The following BICC1 variants were observed in gnomAD, a reference collection of about 807,000 sequenced individuals.
BICC1 encodes BicC family RNA binding protein 1, also known as protein bicaudal C homolog 1.
BICC1 carries 43 observed loss-of-function variants against 111.0 expected under a neutral mutation model. That is an observed-to-expected ratio of 0.39 (90% CI 0.30 to 0.50). The LOEUF (loss-of-function observed/expected upper bound fraction) is 0.50. Ranked by LOEUF, BICC1 falls within the 20% of genes least tolerant of loss-of-function variation. BICC1 has a pLI of 0.88. For missense variants in BICC1, 1,091 were observed against 1,203.2 expected (o/e 0.91, Z 1.38); for synonymous variants, 467 against 434.4 (o/e 1.07, Z -0.93).
intron 2 of BICC1, among the ~76,000 whole-genome samples, chr10:58,644,704 T>C (rs984924502): frequency 1.3e-5 from 2 of 152,146 alleles, no homozygotes; most frequent in African/African-American, 4.8e-5. Context: ...TGAATTTAAT[T>C]TGGCCAACGT....
chr10:58,637,740 A>G (rs1837993961), intron 2 of BICC1, among the ~76,000 whole-genome samples: 1 of 152,240 alleles, frequency 6.6e-6, no homozygotes. Context: ...AGCTCTGTAA[A>G]ACATGATAAC....
intron 1 of BICC1, among the ~76,000 whole-genome samples, chr10:58,579,596 A>G (rs1349731199): frequency 6.6e-6 from 1 of 152,182 alleles, no homozygotes; most frequent in Non-Finnish European, 1.5e-5. Flanking sequence ...CTCTCCCTGG[A>G]TGTCAGCAAA....
At position 58,513,291 on chromosome 10, in the gene BICC1, C is replaced by G; in HGVS notation, c.148C>G (p.Arg50Gly). ...GCACAGCCCGGAGTGGAGCGAGGAG[C>G]GCTTCCGCGTGGACAGGAAGAAACT... is the stretch of plus-strand genomic sequence containing the variant. Reference protein sequence around the residue: ...TLHSPEWSEERFRVDRKKLEA... With the variant: ...TLHSPEWSEEGFRVDRKKLEA... The change falls in exon 1 of 21, where the codon CGC becomes GGC. Residue 50 changes from arginine to glycine, a missense_variant. By Grantham distance (125) the Arg-to-Gly change is moderately radical. Around this residue, in one of 3 missense-constraint regions of BICC1, gnomAD observed 843 missense variants for 900.8 expected, o/e 0.94. Coordinates refer to ENST00000373886, the MANE Select transcript of BICC1 (RefSeq NM_001080512.3). 1.9e-6 allele frequency: 3 copies of G among 1,611,452 alleles called. No homozygotes were observed. Among genetic ancestry groups the G allele is most frequent in the Non-Finnish European group, 2.5e-6 (3 of 1,178,638 alleles).
intron 3 of BICC1, among the ~76,000 whole-genome samples, chr10:58,744,270 C>T (rs771478629): frequency 2.0e-5 from 3 of 152,038 alleles, no homozygotes; most frequent in Non-Finnish European, 2.9e-5. Flanking sequence ...ATAGTTGTAG[C>T]AGAAGATTGC....
At position 58,715,573 on chromosome 10, in the gene BICC1, G is replaced by T; in HGVS notation, c.307+13430G>T. On this transcript the variant is annotated intron_variant, in intron 3 of 20. Transcript: ENST00000373886. Reference sequence around the variant, plus strand: ...AGCACCATGGGGAAGCGGGACAATCGGGTGGCCTATATGCACCCAATAGCA... The same window carrying T: ...AGCACCATGGGGAAGCGGGACAATCTGGTGGCCTATATGCACCCAATAGCA... 1.9e-6 allele frequency: 3 copies of T among 1,576,442 alleles called. No individual in the cohort carries two copies. In the South Asian group the frequency reaches 3.3e-5, roughly 17 times the overall value.
intron 1 of BICC1, among the ~76,000 whole-genome samples, chr10:58,571,387 A>G (rs1843946280): frequency 1.3e-5 from 2 of 152,178 alleles, no homozygotes. Context: ...GGTTTGTTAC[A>G]TAGGTAAACA....
rs2132077771 is a variant in BICC1, at chr10:58,602,737, C to T, written c.191-18118C>T. Among the ~76,000 whole-genome samples the T allele has an allele frequency of 1.3e-5, 2 of 152,274 alleles. 1 individual carries two copies. Among genetic ancestry groups the T allele is most frequent in the South Asian group, 4.1e-4 (2 of 4,822 alleles). ...ACTTCCCTAACTCCCCTAAATGTTT[C>T]CCTAGGCCTTCTAAATGAGAATACT... On this transcript the variant is annotated intron_variant, in intron 1 of 20. Coordinates refer to ENST00000373886, the MANE Select transcript of BICC1 (RefSeq NM_001080512.3).
At chr10:58,618,348 C>T (rs1845686914) in intron 1 of BICC1, among the ~76,000 whole-genome samples, 1 of 152,244 alleles carries the variant, frequency 6.6e-6, no homozygotes, top group Non-Finnish European at 1.5e-5. Context: ...AATTCCACTC[C>T]TTACATAACC....
intron 1 of BICC1, among the ~76,000 whole-genome samples, chr10:58,592,280 A>AT (rs1844644767): frequency 3.9e-5 from 6 of 152,106 alleles, no homozygotes; most frequent in Middle Eastern, 3.2e-3. Flanking sequence ...GTCATTGCCC[A>AT]TTTTTTCTTC....
At chr10:58,565,915 C>T (rs886318660) in intron 1 of BICC1, among the ~76,000 whole-genome samples, 2 of 151,920 alleles carry the variant, frequency 1.3e-5, no homozygotes, top group African/African-American at 4.8e-5. Context: ...TACACCTTAC[C>T]CAAGCACTGC....
chr10:58,808,014 C>T (rs572342817), intron 17 of BICC1, among the ~76,000 whole-genome samples: 2 of 151,656 alleles, frequency 1.3e-5, no homozygotes, highest in South Asian at 4.2e-4. Flanking sequence ...TTGACCTTTT[C>T]TCCACCCATT....
At chr10:58,564,764 ATGGT>A (rs1326695701) in intron 1 of BICC1, among the ~76,000 whole-genome samples, 1 of 152,204 alleles carries the variant, frequency 6.6e-6, no homozygotes, top group Non-Finnish European at 1.5e-5. Flanking sequence ...ATGGTTATAA[ATGGT>A]TCTGGCTATT....
chr10:58,665,371 G>T (rs1378439699), intron 2 of BICC1, among the ~76,000 whole-genome samples: 2 of 151,978 alleles, frequency 1.3e-5, no homozygotes, highest in African/African-American at 4.8e-5. Flanking sequence ...TATTTTAGTG[G>T]TCTTTTTCTG....
intron 1 of BICC1, among the ~76,000 whole-genome samples, chr10:58,572,843 T>G (rs1844001969): frequency 6.6e-6 from 1 of 152,178 alleles, no homozygotes; most frequent in Admixed American, 6.6e-5. Flanking sequence ...CAACATGGAA[T>G]GAAATGTGGT....
chr10:58,604,373 C>CA (rs1845140017), intron 1 of BICC1, among the ~76,000 whole-genome samples: 1 of 151,788 alleles, frequency 6.6e-6, no homozygotes, highest in South Asian at 2.1e-4. Context: ...AGGTCATGAA[C>CA]AAAAAAAATT....
intron 1 of BICC1, among the ~76,000 whole-genome samples, chr10:58,614,153 G>T (rs918975821): frequency 3.3e-5 from 5 of 152,130 alleles, no homozygotes; most frequent in African/African-American, 1.2e-4. Flanking sequence ...GTGTTTGGGG[G>T]AAGAGAAGAA....
intron 2 of BICC1, among the ~76,000 whole-genome samples, chr10:58,642,861 T>G (rs1838164658): frequency 6.6e-6 from 1 of 152,036 alleles, no homozygotes; most frequent in African/African-American, 2.4e-5. Context: ...TGTGCAACCA[T>G]GCTCGGCTAA....
At chr10:58,806,693 A>C in intron 16 of BICC1, 70 bp downstream of exon 16, 1 of 1,310,336 alleles carries the variant, frequency 7.6e-7, no homozygotes. Context: ...TTGAGTACTC[A>C]TGGTGAATCG....
At chr10:58,814,638 A>C (rs1331235456) in intron 18 of BICC1, among the ~76,000 whole-genome samples, 3 of 134,592 alleles carry the variant, frequency 2.2e-5, no homozygotes, top group African/African-American at 8.2e-5. Context: ...AAAAAAAAAA[A>C]CAAGAGGCTG....
Sources: allele counts gnomAD v4.1 joint callset (sites outside exome capture counted in the v4.1 genomes callset), GRCh38; gene constraint gnomAD v4.1.1; regional missense constraint gnomAD v4.1.1; transcripts MANE v1.5; gene names NCBI Gene and HGNC (gene_info 2026-07-23, HGNC 2026-07-21).